Variants in CRADD observed in about 807,000 individuals in gnomAD.
CRADD encodes the protein CARD and death domain containing adaptor protein.
A neutral mutation model predicts 15.5 loss-of-function variants in CRADD; 9 were observed. The observed-to-expected ratio is 0.58, with a 90% CI of 0.35 to 1.01. The LOEUF (loss-of-function observed/expected upper bound fraction) is 1.01. CRADD is among the 50% of genes least tolerant of loss of function. The pLI, the probability that CRADD is intolerant of heterozygous loss-of-function variation, is 0.02. For synonymous variants in CRADD, 118 were observed against 107.6 expected, an observed-to-expected ratio of 1.10 and a Z score of -0.60; for missense variants, 227 against 250.3, an observed-to-expected ratio of 0.91 and a Z score of 0.63.
Position 93,739,347 on chromosome 12 carries a change from TA to T in CRADD, c.298+60276del, listed in dbSNP as rs1956634586. On this transcript the variant is annotated intron_variant, in intron 2 of 2. Coordinates refer to ENST00000332896, the MANE Select transcript of CRADD (RefSeq NM_003805.5). Reference sequence around the variant, plus strand: ...AATCTTAACAGGATATATATATATATATCTAAAGTATATAACATATTATTTA... The same window carrying T: ...AATCTTAACAGGATATATATATATATTCTAAAGTATATAACATATTATTTA... Among the ~76,000 whole-genome samples the T allele has an allele frequency of 3.3e-5, 5 of 151,984 alleles. 1 individual carries two copies. The South Asian group carries it at 1.0e-3, about 32-fold the overall frequency.
chr12:93,865,764 T>C (rs1958361705), intron 2 of CRADD, among the ~76,000 whole-genome samples: 1 of 152,258 alleles, frequency 6.6e-6, no homozygotes, highest in Non-Finnish European at 1.5e-5. Context: ...ATGTTTGCTA[T>C]GTAAACAGTT....
Position 93,850,554 on chromosome 12 carries a change from T to C in CRADD, c.*283T>C. 9.4e-7 allele frequency: 1 copy of C among 1,069,454 alleles called. No homozygotes were observed. Among genetic ancestry groups the C allele is most frequent in the Non-Finnish European group, 1.1e-6 (1 of 871,550 alleles). 66.2% of individuals were successfully genotyped at this position (1,069,454 alleles called of 1,614,324 possible). On this transcript the variant is annotated 3_prime_UTR_variant, in exon 3 of 3. Transcript: ENST00000332896. The surrounding 1 kb of genome is among the most constrained non-coding windows in gnomAD (Gnocchi z 4.0). ...GTGTAATGGCATTTTAATAGACTAGTAAATCACAGTGGTTCAAAATATATA... is the reference window on the plus strand; with the variant it reads ...GTGTAATGGCATTTTAATAGACTAGCAAATCACAGTGGTTCAAAATATATA...
intron 2 of CRADD, among the ~76,000 whole-genome samples, chr12:93,739,768 CA>C (rs1301421952): frequency 6.6e-6 from 1 of 152,008 alleles, no homozygotes; most frequent in Non-Finnish European, 1.5e-5. Context: ...TTTAACAAAG[CA>C]AAAAACCCAG....
chr12:93,864,961 G>T (rs1223719018), intron 2 of CRADD, among the ~76,000 whole-genome samples: 1 of 152,190 alleles, frequency 6.6e-6, no homozygotes, highest in Non-Finnish European at 1.5e-5. Context: ...GTCAGGCACG[G>T]AATAAATATA....
At chr12:93,731,718 G>A (rs891449062) in intron 2 of CRADD, among the ~76,000 whole-genome samples, 29 of 152,346 alleles carry the variant, frequency 1.9e-4, no homozygotes, top group African/African-American at 6.5e-4. Flanking sequence ...ATAGCTTAAC[G>A]AGTATAGCTA....
At chr12:93,729,088 G>T (rs75968894) in intron 2 of CRADD, among the ~76,000 whole-genome samples, 1 of 152,110 alleles carries the variant, frequency 6.6e-6, no homozygotes, top group Non-Finnish European at 1.5e-5. Context: ...CACTAAATGG[G>T]ATGATAAAGA....
chr12:93,787,533 T>C (rs571238114), intron 2 of CRADD, among the ~76,000 whole-genome samples: 2 of 152,206 alleles, frequency 1.3e-5, no homozygotes, highest in East Asian at 1.9e-4. Flanking sequence ...AGTGTCTTTG[T>C]TTTTTCCTTT....
rs181960844 is a variant in CRADD, at chr12:93,798,105, A to G, written c.299-51865A>G. 6.2e-3 allele frequency among the ~76,000 whole-genome samples: 938 copies of G among 152,296 alleles called. 9 individuals are homozygous for G. The highest frequency in any genetic ancestry group is 0.024 in the Middle Eastern group (7 of 294). On this transcript the variant is annotated intron_variant, in intron 2 of 2. Coordinates refer to ENST00000332896, the MANE Select transcript of CRADD (RefSeq NM_003805.5). ...GCTTCACCTGAGACTCCTTCTGGCA[A>G]AATCCCGCTGCTCCTCCTTGATCCT...
At chr12:93,680,120 T>C (rs1022980304) in intron 2 of CRADD, among the ~76,000 whole-genome samples, 7 of 152,150 alleles carry the variant, frequency 4.6e-5, no homozygotes, top group African/African-American at 1.7e-4. Flanking sequence ...ATGGAAACAC[T>C]TGCTTTTTCT....
intron 2 of CRADD, among the ~76,000 whole-genome samples, chr12:93,806,089 T>C (rs1957534070): frequency 6.6e-6 from 1 of 152,088 alleles, no homozygotes; most frequent in South Asian, 2.1e-4. Flanking sequence ...ATTTAACAGG[T>C]ACACCTGTTT....
chr12:93,794,451 G>A (rs1957390678), intron 2 of CRADD, among the ~76,000 whole-genome samples: 1 of 152,046 alleles, frequency 6.6e-6, no homozygotes, highest in Admixed American at 6.5e-5. Flanking sequence ...GGCTGCTAGA[G>A]CCCCGAACCT....
intron 2 of CRADD, among the ~76,000 whole-genome samples, chr12:93,880,936 A>G (rs910068127): frequency 6.6e-6 from 1 of 152,248 alleles, no homozygotes; most frequent in Non-Finnish European, 1.5e-5. Context: ...CTCAGAAATA[A>G]GAACTAACAC....
At chr12:93,871,821 A>G (rs117236621) in intron 2 of CRADD, among the ~76,000 whole-genome samples, 3,683 of 152,332 alleles carry the variant, frequency 0.024, 70 homozygotes, top group Non-Finnish European at 0.038. Context: ...GTTGATGGAC[A>G]CTTAAGTTGC....
chr12:93,751,139 A>T (rs763979214), intron 2 of CRADD, among the ~76,000 whole-genome samples: 2 of 152,218 alleles, frequency 1.3e-5, no homozygotes, highest in African/African-American at 2.4e-5. Context: ...AATTATGAAC[A>T]TAATTATAGA....
chr12:93,827,346 CT>C (rs1354005621), intron 2 of CRADD, among the ~76,000 whole-genome samples: 1 of 152,198 alleles, frequency 6.6e-6, no homozygotes, highest in Admixed American at 6.5e-5. Flanking sequence ...GCAACTTGCA[CT>C]CCGCATAATT....
chr12:93,856,444 A>G (rs1958275841), intron 2 of CRADD, among the ~76,000 whole-genome samples: 1 of 152,232 alleles, frequency 6.6e-6, no homozygotes, highest in Non-Finnish European at 1.5e-5. Flanking sequence ...GGAGACAGCT[A>G]TAACCACCAG....
chr12:93,689,580 A>G (rs1010546609), intron 2 of CRADD, among the ~76,000 whole-genome samples: 1 of 152,212 alleles, frequency 6.6e-6, no homozygotes, highest in Non-Finnish European at 1.5e-5. Context: ...GTTATGAAAG[A>G]AACTTTAACT....
At chr12:93,694,271 C>G (rs1018490883) in intron 2 of CRADD, among the ~76,000 whole-genome samples, 1 of 152,134 alleles carries the variant, frequency 6.6e-6, no homozygotes, top group South Asian at 2.1e-4. Context: ...TGTCAACATC[C>G]CTTCATTATA....
chr12:93,724,966 T>C (rs959618527), intron 2 of CRADD, among the ~76,000 whole-genome samples: 3 of 152,092 alleles, frequency 2.0e-5, no homozygotes, highest in Admixed American at 6.5e-5. Context: ...GTTCACGCCA[T>C]TCTCCTGCCT....
Sources: allele counts gnomAD v4.1 joint callset (sites outside exome capture counted in the v4.1 genomes callset), GRCh38; gene constraint gnomAD v4.1.1; non-coding constraint Gnocchi (gnomAD v3.1); transcripts MANE v1.5; gene names NCBI Gene and HGNC (gene_info 2026-07-23, HGNC 2026-07-21).